LHFPL3: variants seen among roughly 807,000 people sequenced by gnomAD.
LHFPL3 encodes LHFPL tetraspan subfamily member 3 protein.
LHFPL3 carries 5 observed loss-of-function variants against 19.3 expected under a neutral mutation model. The ratio of observed to expected loss-of-function variants is 0.26; its 90% CI spans 0.14 to 0.54. The LOEUF is 0.54. LHFPL3 is among the 20% of genes least tolerant of loss of function. LHFPL3 has a pLI of 0.94. For missense variants in LHFPL3, 249 were observed against 307.4 expected, an observed-to-expected ratio of 0.81 and a Z score of 1.42; for synonymous variants, 133 against 126.2, an observed-to-expected ratio of 1.05 and a Z score of -0.36.
intron 1 of LHFPL3, among the ~76,000 whole-genome samples, chr7:104,683,456 A>C (rs1792749255): frequency 6.6e-6 from 1 of 152,224 alleles, no homozygotes; most frequent in African/African-American, 2.4e-5. Context: ...AAAGACATAC[A>C]GTTTCTAATG....
At chr7:104,464,060 C>T (rs565311510) in intron 1 of LHFPL3, among the ~76,000 whole-genome samples, 1 of 152,326 alleles carries the variant, frequency 6.6e-6, no homozygotes, top group South Asian at 2.1e-4. Flanking sequence ...CAATGGGGTA[C>T]AGACATTGGG....
At chr7:104,762,420 A>C (rs1234239333) in intron 2 of LHFPL3, among the ~76,000 whole-genome samples, 2 of 152,214 alleles carry the variant, frequency 1.3e-5, no homozygotes, top group Non-Finnish European at 2.9e-5. Flanking sequence ...AGGCAGGCAG[A>C]TGAGAAATCT....
At position 104,467,948 on chromosome 7, in the gene LHFPL3, C is replaced by T. The variant is rs78162149; in HGVS notation, c.445+138724C>T. 6.7e-3 allele frequency among the ~76,000 whole-genome samples: 1,013 copies of T among 152,238 alleles called. 21 individuals are homozygous for T. The East Asian group carries it at 0.072, about 11-fold the overall frequency. On this transcript the variant is annotated intron_variant, in intron 1 of 2. Coordinates refer to ENST00000424859, the MANE Select transcript of LHFPL3 (RefSeq NM_199000.3). ...TGTTCATTGTTTTGCCTTCCCATTA[C>T]GTTAGAAGTATGGGTTAGGTCTTTA...
At chr7:104,831,992 T>C (rs1790961531) in intron 2 of LHFPL3, among the ~76,000 whole-genome samples, 1 of 152,002 alleles carries the variant, frequency 6.6e-6, no homozygotes, top group African/African-American at 2.4e-5. Flanking sequence ...AGTCCTACAA[T>C]CATTTGGTGA....
chr7:104,736,954 C>CA (rs765987846), intron 2 of LHFPL3, 43 bp downstream of exon 2: 28 of 1,453,370 alleles, frequency 1.9e-5, no homozygotes, highest in South Asian at 1.9e-4. Flanking sequence ...GCCTCAAGCA[C>CA]AAAAAAATGG....
At chr7:104,604,795 A>G (rs919927466) in intron 1 of LHFPL3, among the ~76,000 whole-genome samples, 2 of 152,178 alleles carry the variant, frequency 1.3e-5, no homozygotes, top group African/African-American at 4.8e-5. Context: ...AATTCCTCCA[A>G]TAATGGATTT....
In LHFPL3 at chr7:104,907,126, T is replaced by C. The variant is rs545373272; in HGVS notation, c.*911T>C. The stretch of plus-strand genomic sequence containing the variant: ...CTAGTATATGCATAGGAATTTAATA[T>C]ACTTTATAAATAAGTATCTAAAATG... On this transcript the variant is annotated 3_prime_UTR_variant, in exon 3 of 3. Coordinates refer to ENST00000424859, the MANE Select transcript of LHFPL3 (RefSeq NM_199000.3). 1 of 152,710 alleles carries C rather than the reference T, an allele frequency of 6.5e-6. No homozygotes were observed. Among genetic ancestry groups the C allele is most frequent in the East Asian group, 1.9e-4 (1 of 5,192 alleles). 9.5% of individuals were successfully genotyped at this position (152,710 alleles called of 1,614,324 possible).
chr7:104,472,770 A>G (rs1048498244), intron 1 of LHFPL3, among the ~76,000 whole-genome samples: 1 of 152,176 alleles, frequency 6.6e-6, no homozygotes, highest in Non-Finnish European at 1.5e-5. Context: ...CACATTTGGC[A>G]TATCCTATTC....
At chr7:104,688,222 A>G (rs10464615) in intron 1 of LHFPL3, among the ~76,000 whole-genome samples, 79,117 of 152,038 alleles carry the variant, frequency 0.52, 20,880 homozygotes, top group East Asian at 0.59. Context: ...ACAAAGTGAC[A>G]AAAGAAAAGG....
intron 1 of LHFPL3, among the ~76,000 whole-genome samples, chr7:104,562,964 G>A (rs988001394): frequency 1.4e-4 from 21 of 152,184 alleles, no homozygotes; most frequent in Admixed American, 1.4e-3. Flanking sequence ...GTGTGCCTCT[G>A]CTGGGGGGTG....
At chr7:104,483,863 G>A (rs568343767) in intron 1 of LHFPL3, among the ~76,000 whole-genome samples, 18 of 152,160 alleles carry the variant, frequency 1.2e-4, no homozygotes, top group Admixed American at 9.2e-4. Context: ...TGGTTCAAGC[G>A]ATCCTCCCAC....
At chr7:104,755,971 A>G in intron 2 of LHFPL3, among the ~76,000 whole-genome samples, 1 of 152,178 alleles carries the variant, frequency 6.6e-6, no homozygotes, top group South Asian at 2.1e-4. Flanking sequence ...CTGGGATTAC[A>G]GGTGTGAGCC....
intron 1 of LHFPL3, among the ~76,000 whole-genome samples, chr7:104,440,715 A>T (rs1340365062): frequency 6.6e-6 from 1 of 152,184 alleles, no homozygotes; most frequent in African/African-American, 2.4e-5. Flanking sequence ...AAGTTTGATG[A>T]CATAGATTAC....
chr7:104,452,650 A>T (rs1033572355), intron 1 of LHFPL3, among the ~76,000 whole-genome samples: 6 of 152,094 alleles, frequency 3.9e-5, no homozygotes, highest in African/African-American at 1.4e-4. Flanking sequence ...AATTGATTTT[A>T]TTGATATTTC....
At chr7:104,504,895 T>G (rs1793667351) in intron 1 of LHFPL3, among the ~76,000 whole-genome samples, 1 of 152,332 alleles carries the variant, frequency 6.6e-6, no homozygotes, top group East Asian at 1.9e-4. Flanking sequence ...AAGCTTTTAG[T>G]TGGCTAATCA....
At chr7:104,355,567 A>G (rs1377549374) in intron 1 of LHFPL3, among the ~76,000 whole-genome samples, 1 of 152,234 alleles carries the variant, frequency 6.6e-6, no homozygotes, top group Non-Finnish European at 1.5e-5. Flanking sequence ...TCAAGCACCC[A>G]CTATAAGTTT....
intron 1 of LHFPL3, among the ~76,000 whole-genome samples, chr7:104,551,145 T>C (rs1028805848): frequency 1.3e-5 from 2 of 151,990 alleles, no homozygotes; most frequent in African/African-American, 4.8e-5. Context: ...ACACACTTCA[T>C]GTTTGCGAGC....
intron 1 of LHFPL3, among the ~76,000 whole-genome samples, chr7:104,728,686 T>C (rs933665913): frequency 5.3e-5 from 8 of 152,222 alleles, no homozygotes; most frequent in African/African-American, 1.9e-4. Context: ...GTTTCTTTCC[T>C]AGTTAGTACT....
At chr7:104,832,195 C>T (rs1187387482) in intron 2 of LHFPL3, among the ~76,000 whole-genome samples, 1 of 151,942 alleles carries the variant, frequency 6.6e-6, no homozygotes, top group Non-Finnish European at 1.5e-5. Flanking sequence ...GTTTTAGATG[C>T]ACCGGATAAT....
Sources: gnomAD v4.1 joint callset for allele counts (sites outside exome capture counted in the v4.1 genomes callset) on GRCh38, gnomAD v4.1.1 for gene constraint, MANE v1.5 for transcripts, NCBI Gene and HGNC (gene_info 2026-07-23, HGNC 2026-07-21) for gene names.